RGS3: variants seen among roughly 807,000 people sequenced by gnomAD.
The protein encoded by RGS3 is regulator of G protein signaling 3.
RGS3 carries 80 observed loss-of-function variants against 132.6 expected under a neutral mutation model. The ratio of observed to expected loss-of-function variants is 0.60; its 90% CI spans 0.50 to 0.73. The LOEUF (loss-of-function observed/expected upper bound fraction) is 0.73. RGS3 is among the 30% of genes least tolerant of loss of function. The pLI, the probability that RGS3 is intolerant of heterozygous loss-of-function variation, is 0.00. For missense variants in RGS3, 1,382 were observed against 1,530.8 expected, an observed-to-expected ratio of 0.90 and a Z score of 1.62; for synonymous variants, 598 against 620.6, an observed-to-expected ratio of 0.96 and a Z score of 0.54.
intron 14 of RGS3, 89 bp downstream of exon 12, chr9:113,508,669 T>G: frequency 7.3e-7 from 1 of 1,368,462 alleles, no homozygotes; most frequent in South Asian, 1.2e-5. Flanking sequence ...CCCTGAGTTC[T>G]GAGGCCTTTC....
At chr9:113,573,988 T>A (rs1476099337) in intron 19 of RGS3, among the ~76,000 whole-genome samples, 1 of 152,206 alleles carries the variant, frequency 6.6e-6, no homozygotes, top group Non-Finnish European at 1.5e-5. Flanking sequence ...TTTGATCTTG[T>A]GTAAGTTACT....
intron 4 of RGS3, among the ~76,000 whole-genome samples, chr9:113,482,008 T>C (rs1010951994): frequency 1.3e-5 from 2 of 149,066 alleles, no homozygotes; most frequent in Non-Finnish European, 3.0e-5. Flanking sequence ...ATCGTGCCAT[T>C]GCACTCCAGC....
At chr9:113,451,035 T>C (rs1489911220) in intron 1 of RGS3, among the ~76,000 whole-genome samples, 1 of 151,392 alleles carries the variant, frequency 6.6e-6, no homozygotes, top group South Asian at 2.1e-4. Context: ...AAAATTAGCC[T>C]GGCGTGGTGG....
intron 19 of RGS3, among the ~76,000 whole-genome samples, chr9:113,540,630 G>T (rs992194371): frequency 1.3e-5 from 2 of 152,210 alleles, no homozygotes; most frequent in Admixed American, 1.3e-4. Flanking sequence ...AAGCCTTTAG[G>T]ATGAGAAGGG....
At chr9:113,525,326 C>T (rs534066916) in intron 17 of RGS3, among the ~76,000 whole-genome samples, 10 of 152,142 alleles carry the variant, frequency 6.6e-5, no homozygotes, top group Non-Finnish European at 1.5e-4. Flanking sequence ...CCCCACTCCC[C>T]TGAGACAGGC....
chr9:113,499,710 G>A (rs1410654458), intron 10 of RGS3, among the ~76,000 whole-genome samples: 2 of 152,214 alleles, frequency 1.3e-5, no homozygotes, highest in East Asian at 3.8e-4. Context: ...GCAGTCTAGA[G>A]CTGTGCTGGC....
At chr9:113,496,376 C>T (rs986189304) in intron 8 of RGS3, among the ~76,000 whole-genome samples, 1 of 152,130 alleles carries the variant, frequency 6.6e-6, no homozygotes, top group African/African-American at 2.4e-5. Context: ...AATTTCTACG[C>T]TGCACTGGAC....
chr9:113,594,776 G>T, intron 22 of RGS3, 143 bp from the exon 21 acceptor site: 4 of 782,062 alleles, frequency 5.1e-6, no homozygotes, highest in Non-Finnish European at 8.3e-6. Context: ...CGGGAAAGAG[G>T]GTGGGCCTCC....
At position 113,579,532 on chromosome 9, in the gene RGS3, G is replaced by T. The variant is rs1834689763; in HGVS notation, c.2038-3918G>T. ...CACAGACCCCCACCTTGGGAGGGTG[G>T]GGCAGTGGCTTCCAGCACTCTAGAC... On this transcript the variant is annotated intron_variant, in intron 19 of 24. Coordinates refer to ENST00000350696, the Ensembl canonical transcript of RGS3. The surrounding 1 kb of genome is among the most constrained non-coding windows in gnomAD (Gnocchi z 4.3). Among the ~76,000 whole-genome samples, 1 of 152,152 alleles carries T rather than the reference G, an allele frequency of 6.6e-6. No individual in the cohort carries two copies. Among genetic ancestry groups the T allele is most frequent in the Non-Finnish European group, 1.5e-5 (1 of 68,026 alleles).
chr9:113,480,966 T>TCCCG (rs1447487293), intron 4 of RGS3, among the ~76,000 whole-genome samples: 1 of 152,238 alleles, frequency 6.6e-6, no homozygotes, highest in Non-Finnish European at 1.5e-5. Flanking sequence ...TCCAGCTCTA[T>TCCCG]CCAGTTACAT....
intron 21 of RGS3, chr9:113,594,148 C>T (rs1366489669): frequency 2.5e-6 from 4 of 1,613,060 alleles, no homozygotes; most frequent in African/African-American, 1.3e-5. Flanking sequence ...GCCAGGATTC[C>T]AGAGAGCGTG....
At chr9:113,448,599 T>C (rs1829169768) in intron 1 of RGS3, among the ~76,000 whole-genome samples, 1 of 152,156 alleles carries the variant, frequency 6.6e-6, no homozygotes, top group African/African-American at 2.4e-5. Context: ...ACTATTGGGG[T>C]TCACAGCTTG....
intron 18 of RGS3, among the ~76,000 whole-genome samples, chr9:113,534,341 A>T (rs1832593956): frequency 6.6e-6 from 1 of 152,080 alleles, no homozygotes; most frequent in African/African-American, 2.4e-5. Context: ...TGACATTTTC[A>T]CAAGTTGTAA....
chr9:113,463,915 C>T lies in RGS3; in HGVS notation c.415+1714C>T, dbSNP rs1829544044. On this transcript the variant is annotated intron_variant, in intron 3 of 24. Coordinates refer to ENST00000350696, the Ensembl canonical transcript of RGS3. The surrounding 1 kb of genome is among the most constrained non-coding windows in gnomAD (Gnocchi z 4.6). ...CCGCTGGGGCTGGCGGCAGGGGCTG[C>T]TTCACCCTGCTCCCAGCGCCCAGAA... 1 of 1,606,932 alleles carries T rather than the reference C, an allele frequency of 6.2e-7. No individual in the cohort carries two copies. Among genetic ancestry groups the T allele is most frequent in the African/African-American group, 1.3e-5 (1 of 74,788 alleles).
In RGS3 at chr9:113,463,630, C is replaced by G. The variant is rs1297442834; in HGVS notation, c.415+1429C>G. 1.6e-6 allele frequency: 2 copies of G among 1,277,094 alleles called. No homozygotes were observed. The highest frequency in any genetic ancestry group is 3.8e-5 in the Admixed American group (1 of 26,528). 79.1% of individuals were successfully genotyped at this position (1,277,094 alleles called of 1,614,324 possible). A position where few individuals can be genotyped will look rare whatever the true frequency, so the allele number is the denominator to read the frequency against. On this transcript the variant is annotated intron_variant, in intron 3 of 24. Coordinates refer to ENST00000350696, the Ensembl canonical transcript of RGS3. This position sits in a 1 kb window ranked among gnomAD's most constrained non-coding sequence, Gnocchi z 4.6. ...CTCTGCTCCGGCAGGTGGAACTCTCCCCATTCAAACCCGCGCGGGCCAATC... is the reference window on the plus strand; with the variant it reads ...CTCTGCTCCGGCAGGTGGAACTCTCGCCATTCAAACCCGCGCGGGCCAATC...
In RGS3 at chr9:113,463,922, C is replaced by T. The variant is rs765601810; in HGVS notation, c.415+1721C>T. The T allele has an allele frequency of 1.9e-5, 30 of 1,604,284 alleles. No homozygotes were observed. In the East Asian group the frequency reaches 4.7e-4, roughly 25 times the overall value. On this transcript the variant is annotated intron_variant, in intron 3 of 24. Coordinates refer to ENST00000350696, the Ensembl canonical transcript of RGS3. This position sits in a 1 kb window ranked among gnomAD's most constrained non-coding sequence, Gnocchi z 4.6. The stretch of plus-strand genomic sequence containing the variant: ...GGCTGGCGGCAGGGGCTGCTTCACC[C>T]TGCTCCCAGCGCCCAGAAACGCAGC...
intron 16 of RGS3, among the ~76,000 whole-genome samples, chr9:113,521,428 TGAG>T (rs1298315954): frequency 6.6e-6 from 1 of 152,170 alleles, no homozygotes; most frequent in Non-Finnish European, 1.5e-5. Context: ...CTCCCTGGAG[TGAG>T]GAGTGTGGCA....
In RGS3 at chr9:113,565,681, G is replaced by A. The variant is rs1833967638; in HGVS notation, c.2038-17769G>A. 1 of 276,162 alleles carries A rather than the reference G, an allele frequency of 3.6e-6. No individual in the cohort carries two copies. Among genetic ancestry groups the A allele is most frequent in the Non-Finnish European group, 7.2e-6 (1 of 138,392 alleles). The allele number at this position is 276,162 out of a possible 1,614,324, so 17.1% of individuals were successfully genotyped here. ...GGGTGGAAACCTGGGCGGGCGAGCT[G>A]GCAGGAGCGGCAGCCAGGAGTCGCC... On this transcript the variant is annotated intron_variant, in intron 19 of 24. Transcript: ENST00000350696. The surrounding 1 kb of genome is among the most constrained non-coding windows in gnomAD (Gnocchi z 5.7).
chr9:113,474,853 C>T (rs1296005127), intron 3 of RGS3, among the ~76,000 whole-genome samples: 1 of 152,208 alleles, frequency 6.6e-6, no homozygotes. Context: ...CACTGGGACA[C>T]ATTCCGGCTG....
Sources: allele counts gnomAD v4.1 joint callset (sites outside exome capture counted in the v4.1 genomes callset), GRCh38; gene constraint gnomAD v4.1.1; non-coding constraint Gnocchi (gnomAD v3.1); transcripts MANE v1.5; gene names NCBI Gene and HGNC (gene_info 2026-07-23, HGNC 2026-07-21).